ADAMTS16: variants seen among roughly 807,000 people sequenced by gnomAD.
The protein encoded by ADAMTS16 is A disintegrin and metalloproteinase with thrombospondin motifs 16.
ADAMTS16 carries 94 observed loss-of-function variants against 145.8 expected under a neutral mutation model. The observed-to-expected ratio is 0.64, with a 90% CI of 0.55 to 0.77. ADAMTS16 has a LOEUF of 0.77. Among genes scored for constraint, ADAMTS16 ranks in the 30% least tolerant of loss-of-function variants. The pLI, the probability that ADAMTS16 is intolerant of heterozygous loss-of-function variation, is 0.00. For missense variants in ADAMTS16, 1,585 were observed against 1,591.5 expected, an observed-to-expected ratio of 1.00 and a Z score of 0.07; for synonymous variants, 659 against 604.3, an observed-to-expected ratio of 1.09 and a Z score of -1.33.
At chr5:5,151,678 T>TTGTGTG (rs60381485) in intron 3 of ADAMTS16, among the ~76,000 whole-genome samples, 2 of 139,586 alleles carry the variant, frequency 1.4e-5, no homozygotes, top group East Asian at 2.1e-4. Context: ...ATAGTTCCCT[T>TTGTGTG]TGTGTGTGTG....
chr5:5,163,924 A>G (rs907055586), intron 3 of ADAMTS16, among the ~76,000 whole-genome samples: 1 of 152,236 alleles, frequency 6.6e-6, no homozygotes. Context: ...AACAGAGCAC[A>G]GGGTGAACAG....
At chr5:5,238,085 A>ATTT (rs1737165778) in intron 14 of ADAMTS16, among the ~76,000 whole-genome samples, 1 of 152,202 alleles carries the variant, frequency 6.6e-6, no homozygotes, top group Non-Finnish European at 1.5e-5. Context: ...TTTTGAATAC[A>ATTT]TGAGGGTTAG....
intron 11 of ADAMTS16, among the ~76,000 whole-genome samples, chr5:5,230,765 A>G (rs937243472): frequency 1.2e-4 from 18 of 152,228 alleles, no homozygotes; most frequent in Admixed American, 5.2e-4. Context: ...TATGATGCAC[A>G]TTGAGTTTGC....
At position 5,319,148 on chromosome 5, in the gene ADAMTS16, GCT is replaced by G; in HGVS notation, c.*14_*15del. ...TAAGTCCAACTTGTGAGTTGGGACC[GCT>G]CTCCGTAGCAGAGAAAGTGCCTGCG... On this transcript the variant is annotated 3_prime_UTR_variant, in exon 23 of 23. Transcript: ENST00000274181. 6.3e-7 allele frequency: 1 copy of G among 1,583,594 alleles called. No individual in the cohort carries two copies. Among genetic ancestry groups the G allele is most frequent in the East Asian group, 2.2e-5 (1 of 44,554 alleles).
At chr5:5,185,590 G>C (rs1446896092) in intron 4 of ADAMTS16, among the ~76,000 whole-genome samples, 1 of 152,152 alleles carries the variant, frequency 6.6e-6, no homozygotes, top group African/African-American at 2.4e-5. Flanking sequence ...TATGTGTCCA[G>C]ACATTGAAAT....
intron 21 of ADAMTS16, among the ~76,000 whole-genome samples, chr5:5,312,709 C>T (rs759319044): frequency 1.3e-5 from 2 of 152,282 alleles, no homozygotes; most frequent in South Asian, 2.1e-4. Context: ...TCGCCCACTT[C>T]GGCTTCCCAA....
chr5:5,169,477 G>A (rs12658731), intron 3 of ADAMTS16, among the ~76,000 whole-genome samples: 40,044 of 151,972 alleles, frequency 0.26, 6,157 homozygotes, highest in Admixed American at 0.46. Context: ...ATGACTGGAT[G>A]TGCACTGTGG....
chr5:5,206,380 C>G (rs1390280702), intron 9 of ADAMTS16, among the ~76,000 whole-genome samples: 1 of 116,750 alleles, frequency 8.6e-6, no homozygotes, highest in Non-Finnish European at 1.7e-5. Context: ...GAGCCGAGAT[C>G]CCGCCACTGC....
chr5:5,241,978 G>A (rs1737304214), intron 16 of ADAMTS16, 75 bp from the exon 17 acceptor site: 1 of 1,529,898 alleles, frequency 6.5e-7, no homozygotes, highest in Admixed American at 1.8e-5. Context: ...GTTTTAAGTA[G>A]TCTAAATCCC....
At chr5:5,185,960 A>C (rs944728453) in intron 4 of ADAMTS16, 92 bp from the exon 5 acceptor site, 1 of 1,146,120 alleles carries the variant, frequency 8.7e-7, no homozygotes, top group African/African-American at 1.5e-5. Flanking sequence ...ATGAGTGTTC[A>C]TTTTTGAGAC....
Position 5,317,957 on chromosome 5 carries a change from G to C in ADAMTS16, c.3412-177G>C, listed in dbSNP as rs573918687. ...GCTTGCTTCTGGAAAAGGTGAGCAGGGACCGTGCTCACTCGCGCACATCGT... is the reference window on the plus strand; with the variant it reads ...GCTTGCTTCTGGAAAAGGTGAGCAGCGACCGTGCTCACTCGCGCACATCGT... On this transcript the variant is annotated intron_variant, in intron 21 of 22. Coordinates refer to ENST00000274181, the MANE Select transcript of ADAMTS16 (RefSeq NM_139056.4). This position sits in a 1 kb window ranked among gnomAD's most constrained non-coding sequence, Gnocchi z 4.5. Among the ~76,000 whole-genome samples the C allele has an allele frequency of 2.0e-5, 3 of 152,300 alleles. No homozygotes were observed. The highest frequency in any genetic ancestry group is 7.2e-5 in the African/African-American group (3 of 41,576).
At chr5:5,257,971 G>A (rs1164546717) in intron 17 of ADAMTS16, among the ~76,000 whole-genome samples, 3 of 152,160 alleles carry the variant, frequency 2.0e-5, no homozygotes, top group African/African-American at 7.2e-5. Flanking sequence ...TGACGATCAT[G>A]GGTTTACTAC....
rs1734299979 is a variant in ADAMTS16, at chr5:5,146,423, T to C, written c.469T>C (p.Ser157Pro). 6.2e-7 allele frequency: 1 copy of C among 1,611,712 alleles called. No homozygotes were observed. Among genetic ancestry groups the C allele is most frequent in the Non-Finnish European group, 8.5e-7 (1 of 1,179,732 alleles). ...AGGCTCTTTGCGATCACACAGAAAC[T>C]CCTCAGTGGCCCTTTCAACCTGCCA... ...YQGSLRSHRNSSVALSTCQGL... is the reference protein window; with the variant it reads ...YQGSLRSHRNPSVALSTCQGL... Residue 157 changes from serine to proline, a missense_variant, in exon 3 of 23, where the codon TCC becomes CCC. Ser to Pro is a moderately conservative substitution (Grantham distance 74). This residue lies in a region of ADAMTS16 where 453 missense variants were observed against 412.1 expected (regional missense o/e 1.10). Transcript: ENST00000274181.
At chr5:5,183,638 G>A (rs1200577619) in intron 4 of ADAMTS16, among the ~76,000 whole-genome samples, 3 of 152,192 alleles carry the variant, frequency 2.0e-5, no homozygotes, top group Admixed American at 6.5e-5. Context: ...AGAGGACTGC[G>A]ATCCTTTCGT....
intron 3 of ADAMTS16, among the ~76,000 whole-genome samples, chr5:5,178,290 C>T (rs1735250689): frequency 6.6e-6 from 1 of 152,210 alleles, no homozygotes; most frequent in Admixed American, 6.5e-5. Flanking sequence ...GAAGCCTGTC[C>T]TTTGCAAAGC....
chr5:5,190,255 T>A, intron 7 of ADAMTS16, 125 bp downstream of exon 7: 1 of 1,027,050 alleles, frequency 9.7e-7, no homozygotes, highest in Non-Finnish European at 1.4e-6. Context: ...AGTGAAGGTG[T>A]AAAGACTCAC....
At chr5:5,147,462 T>C (rs568765742) in intron 3 of ADAMTS16, among the ~76,000 whole-genome samples, 1 of 152,354 alleles carries the variant, frequency 6.6e-6, no homozygotes, top group South Asian at 2.1e-4. Context: ...GCTGAATTCA[T>C]AACCAATTTC....
intron 18 of ADAMTS16, among the ~76,000 whole-genome samples, chr5:5,284,941 G>A (rs1013959523): frequency 3.3e-5 from 5 of 152,186 alleles, no homozygotes; most frequent in South Asian, 2.1e-4. Context: ...TTCCTCTGGC[G>A]CACTTATTCT....
At chr5:5,235,822 C>G (rs1020648427) in intron 13 of ADAMTS16, among the ~76,000 whole-genome samples, 1 of 115,042 alleles carries the variant, frequency 8.7e-6, no homozygotes. Flanking sequence ...GGGAACATTG[C>G]CCGAAAAAAT....
Sources: gnomAD v4.1 joint callset for allele counts (sites outside exome capture counted in the v4.1 genomes callset) on GRCh38, gnomAD v4.1.1 for gene constraint, gnomAD v4.1.1 regional missense constraint, Gnocchi (gnomAD v3.1) non-coding constraint, MANE v1.5 for transcripts, NCBI Gene and HGNC (gene_info 2026-07-23, HGNC 2026-07-21) for gene names.